CFAP47: variants seen among roughly 807,000 people sequenced by gnomAD.
The protein encoded by CFAP47 is cilia- and flagella-associated protein 47.
In CFAP47, 29 loss-of-function variants were observed where a neutral mutation model predicts 148.1. The ratio of observed to expected loss-of-function variants is 0.20; its 90% CI spans 0.15 to 0.27. CFAP47 has a LOEUF of 0.27. Ranked by LOEUF, CFAP47 falls within the 10% of genes least tolerant of loss-of-function variation. The pLI, the probability that CFAP47 is intolerant of heterozygous loss-of-function variation, is 1.00. For synonymous variants in CFAP47, 664 were observed against 577.3 expected, an observed-to-expected ratio of 1.15 and a Z score of -2.15; for missense variants, 1,872 against 1,697.5, an observed-to-expected ratio of 1.10 and a Z score of -1.81.
intron 21 of CFAP47, among the ~76,000 whole-genome samples, chrX:36,012,880 C>G (rs150792919): frequency 0.017 from 1,932 of 111,106 alleles, 17 homozygotes; most frequent in Non-Finnish European, 0.03. Flanking sequence ...GGGTCTTGCA[C>G]TGGGGAATGA....
At chrX:36,118,725 C>T (rs1179901931) in intron 33 of CFAP47, among the ~76,000 whole-genome samples, 2 of 111,684 alleles carry the variant, frequency 1.8e-5, no homozygotes, top group African/African-American at 6.5e-5. Flanking sequence ...CCACCTGCCT[C>T]GGCCTCCCAA....
chrX:36,172,389 G>A (rs1243034200), intron 39 of CFAP47, among the ~76,000 whole-genome samples: 1 of 107,166 alleles, frequency 9.3e-6, no homozygotes, highest in Admixed American at 1.0e-4. Context: ...TTTTCAAAGG[G>A]AATGCTTCCA....
intron 33 of CFAP47, among the ~76,000 whole-genome samples, chrX:36,135,050 A>G (rs942684746): frequency 9.0e-6 from 1 of 111,209 alleles, no homozygotes; most frequent in Non-Finnish European, 1.9e-5. Flanking sequence ...ATTACCAAGC[A>G]TCGTATGTTT....
intron 8 of CFAP47, among the ~76,000 whole-genome samples, chrX:35,962,362 T>C (rs1217471727): frequency 9.0e-6 from 1 of 111,323 alleles, no homozygotes; most frequent in Non-Finnish European, 1.9e-5. Flanking sequence ...TGTTTTTCAG[T>C]TCTCTGTTCT....
chrX:36,211,540 C>A, intron 45 of CFAP47: 1 of 302,753 alleles, frequency 3.3e-6, no homozygotes, highest in Non-Finnish European at 6.2e-6. Context: ...GAAAAGCAGC[C>A]TCATGAAAAG....
At chrX:36,073,098 C>A (rs766272824) in intron 28 of CFAP47, 41 bp from the exon 29 acceptor site, 6 of 972,017 alleles carry the variant, frequency 6.2e-6, no homozygotes, top group Non-Finnish European at 8.8e-6. Context: ...TTTTACTCCT[C>A]GTCAAGTAGC....
intron 3 of CFAP47, among the ~76,000 whole-genome samples, chrX:35,944,219 C>T (rs1466609589): frequency 9.0e-6 from 1 of 111,356 alleles, no homozygotes; most frequent in African/African-American, 3.3e-5. Context: ...TCCTGGGGAT[C>T]TTCCTTAGTA....
chrX:35,926,740 C>T (rs761333623), intron 2 of CFAP47, among the ~76,000 whole-genome samples: 1 of 111,531 alleles, frequency 9.0e-6, no homozygotes, highest in South Asian at 3.8e-4. Context: ...AATGTGGTTT[C>T]CATAGGTGTT....
intron 33 of CFAP47, among the ~76,000 whole-genome samples, chrX:36,121,343 G>T (rs1259475990): frequency 9.0e-6 from 1 of 110,720 alleles, no homozygotes; most frequent in Non-Finnish European, 1.9e-5. Flanking sequence ...TGATTGGAGA[G>T]TTTAATTAAT....
chrX:36,076,862 T>C (rs1245488770), intron 29 of CFAP47, among the ~76,000 whole-genome samples: 1 of 111,940 alleles, frequency 8.9e-6, no homozygotes, highest in Non-Finnish European at 1.9e-5. Flanking sequence ...AGAATTCTTA[T>C]AGATTGGGAC....
intron 13 of CFAP47, among the ~76,000 whole-genome samples, chrX:35,974,835 G>C (rs1936544582): frequency 1.8e-5 from 2 of 111,130 alleles, no homozygotes; most frequent in African/African-American, 6.5e-5. Context: ...AGTGGGAATA[G>C]AGGAGGTGTT....
chrX:36,145,058 C>T (rs959138950), intron 35 of CFAP47, 161 bp from the exon 36 acceptor site: 4 of 374,077 alleles, frequency 1.1e-5, no homozygotes, highest in Non-Finnish European at 4.5e-6. Context: ...AATAAATTCC[C>T]GTTTATATAT....
At chrX:36,210,576 G>A (rs1940088782) in intron 45 of CFAP47, among the ~76,000 whole-genome samples, 2 of 112,296 alleles carry the variant, frequency 1.8e-5, no homozygotes, top group African/African-American at 6.5e-5. Flanking sequence ...TGAGTTGCAA[G>A]TGTTCTTTCT....
At chrX:36,051,422 A>T (rs1238147595) in intron 26 of CFAP47, among the ~76,000 whole-genome samples, 2 of 111,884 alleles carry the variant, frequency 1.8e-5, no homozygotes, top group Non-Finnish European at 3.8e-5. Flanking sequence ...TATCAGTGTG[A>T]CCTGGATGTG....
intron 33 of CFAP47, among the ~76,000 whole-genome samples, chrX:36,118,683 C>T: frequency 9.0e-6 from 1 of 110,775 alleles, no homozygotes; most frequent in Non-Finnish European, 1.9e-5. Context: ...ACCGTGTTAG[C>T]CAGGATGGTC....
intron 29 of CFAP47, among the ~76,000 whole-genome samples, chrX:36,084,180 A>G (rs1365465073): frequency 9.0e-6 from 1 of 111,421 alleles, no homozygotes; most frequent in Non-Finnish European, 1.9e-5. Flanking sequence ...AATTTTGAAC[A>G]TAGTACATAT....
intron 49 of CFAP47, among the ~76,000 whole-genome samples, chrX:36,265,403 T>C (rs1262664856): frequency 8.9e-6 from 1 of 112,011 alleles, no homozygotes; most frequent in Non-Finnish European, 1.9e-5. Context: ...TATTTCTTTA[T>C]CTTGTTTGAT....
intron 24 of CFAP47, among the ~76,000 whole-genome samples, chrX:36,036,140 C>T (rs1455357832): frequency 1.8e-5 from 2 of 111,122 alleles, no homozygotes; most frequent in Non-Finnish European, 3.8e-5. Flanking sequence ...CCATGTTGTA[C>T]ATTAGATCCC....
chrX:36,161,762 A>C (rs1383862289), intron 39 of CFAP47, among the ~76,000 whole-genome samples: 3 of 112,211 alleles, frequency 2.7e-5, no homozygotes, highest in Non-Finnish European at 5.6e-5. Context: ...CAGTTCTTTT[A>C]ATCACTGTAT....
Sources: gnomAD v4.1 joint callset for allele counts (sites outside exome capture counted in the v4.1 genomes callset) on GRCh38, gnomAD v4.1.1 for gene constraint, MANE v1.5 for transcripts, NCBI Gene and HGNC (gene_info 2026-07-23, HGNC 2026-07-21) for gene names.